KLHL7: variants seen among roughly 807,000 people sequenced by gnomAD.
The protein encoded by KLHL7 is kelch-like protein 7.
A neutral mutation model predicts 67.4 loss-of-function variants in KLHL7; 44 were observed. The observed-to-expected ratio is 0.65, with a 90% confidence interval of 0.51 to 0.84. The LOEUF is 0.84. KLHL7 is among the 40% of genes least tolerant of loss of function. The pLI, the probability that KLHL7 is intolerant of heterozygous loss-of-function variation, is 0.00. For synonymous variants in KLHL7, 252 were observed against 243.3 expected (o/e 1.04, Z -0.33); for missense variants, 362 against 718.1 (o/e 0.50, Z 5.67).
At chr7:23,137,689 G>A (rs2128463584) in intron 4 of KLHL7, among the ~76,000 whole-genome samples, 1 of 151,278 alleles carries the variant, frequency 6.6e-6, no homozygotes, top group South Asian at 2.1e-4. Context: ...ATGTTGGCCA[G>A]GCTGGTCTCG....
chr7:23,149,985 A>G (rs1391264519), intron 6 of KLHL7, among the ~76,000 whole-genome samples: 5 of 152,224 alleles, frequency 3.3e-5, no homozygotes, highest in African/African-American at 7.2e-5. Flanking sequence ...ATTTATAGAA[A>G]TGTTTTGCAT....
At chr7:23,154,517 T>C (rs1340297623) in intron 7 of KLHL7, among the ~76,000 whole-genome samples, 1 of 152,188 alleles carries the variant, frequency 6.6e-6, no homozygotes, top group African/African-American at 2.4e-5. Flanking sequence ...TTCTGTCCTG[T>C]CAAGCAACAT....
At chr7:23,118,510 A>G (rs1683145780) in intron 1 of KLHL7, among the ~76,000 whole-genome samples, 1 of 152,254 alleles carries the variant, frequency 6.6e-6, no homozygotes, top group South Asian at 2.1e-4. Flanking sequence ...AGACCTAGGA[A>G]AGAAGAATGA....
chr7:23,106,324 T>A, intron 1 of KLHL7, 178 bp downstream of exon 1: 1 of 1,461,092 alleles, frequency 6.8e-7, no homozygotes, highest in Non-Finnish European at 9.0e-7. Context: ...CGTAAAACAA[T>A]TCTCGAGCAA....
intron 4 of KLHL7, among the ~76,000 whole-genome samples, chr7:23,139,402 G>T (rs896296591): frequency 1.3e-5 from 2 of 152,176 alleles, no homozygotes; most frequent in Non-Finnish European, 2.9e-5. Flanking sequence ...GATGCTGAAG[G>T]CACCTTTTGT....
intron 1 of KLHL7, chr7:23,106,392 C>T (rs1285839372): frequency 1.4e-5 from 19 of 1,346,620 alleles, no homozygotes; most frequent in Non-Finnish European, 1.8e-5. Flanking sequence ...GGGGACTCCT[C>T]AGGCTGGCTT....
intron 1 of KLHL7, among the ~76,000 whole-genome samples, chr7:23,119,727 A>AT (rs1001470996): frequency 2.6e-5 from 4 of 151,150 alleles, no homozygotes; most frequent in African/African-American, 9.7e-5. Context: ...GATCCCTCAC[A>AT]TTTTTTTTGT....
At position 23,143,970 on chromosome 7, in the gene KLHL7, G is replaced by A. The variant is rs148401327; in HGVS notation, c.738G>A (p.Thr246=). The change falls in exon 6 of 11, where the codon ACG becomes ACA. Residue 246 remains threonine, a synonymous_variant. Coordinates refer to ENST00000339077, the MANE Select transcript of KLHL7 (RefSeq NM_001031710.3). ...TATCAAAGAATTTCTTAAGTAAAAC[G>A]GTACAAGCTGAACCACTTATTCAAG... is the stretch of plus-strand genomic sequence containing the variant. ...PLISKNFLSK[T]VQAEPLIQDN... The A allele has an allele frequency of 3.9e-4, 631 of 1,613,826 alleles. 2 individuals are homozygous for A. The highest frequency in any genetic ancestry group is 5.2e-4 in the Non-Finnish European group (611 of 1,179,928).
chr7:23,117,438 C>T lies in KLHL7; in HGVS notation c.121-6339C>T, dbSNP rs545342873. 2.6e-5 allele frequency among the ~76,000 whole-genome samples: 4 copies of T among 152,206 alleles called. No individual in the cohort carries two copies. In the East Asian group the frequency reaches 5.8e-4, roughly 22 times the overall value. ...TTCTATTCCTGTTTGGTCCATAACA[C>T]CTTCCTTGAATAAATAACAAAAATA... On this transcript the variant is annotated intron_variant, in intron 1 of 10. Transcript: ENST00000339077.
intron 4 of KLHL7, among the ~76,000 whole-genome samples, chr7:23,130,885 T>A (rs528839351): frequency 1.6e-4 from 24 of 152,328 alleles, no homozygotes; most frequent in African/African-American, 5.8e-4. Context: ...CAGGCATGTC[T>A]GGGGAGTATT....
chr7:23,111,820 C>CAAAA lies in KLHL7; in HGVS notation c.120+5697_120+5700dup, dbSNP rs895981894. ...CTGGAGACAGAGTGAGACTCCGTCT[C>CAAAA]AAAAAAAAAAAAAAAAAAAAAAAAA... On this transcript the variant is annotated intron_variant, in intron 1 of 10. Coordinates refer to ENST00000339077, the MANE Select transcript of KLHL7 (RefSeq NM_001031710.3). 3.0e-3 allele frequency among the ~76,000 whole-genome samples: 70 copies of CAAAA among 23,232 alleles called. 7 individuals are homozygous for CAAAA. Among genetic ancestry groups the CAAAA allele is most frequent in the African/African-American group, 6.1e-3 (49 of 8,022 alleles). 15.2% of individuals were successfully genotyped at this position (23,232 alleles called of 152,430 possible).
At position 23,123,484 on chromosome 7, in the gene KLHL7, G is replaced by GA. The variant is rs1161710933; in HGVS notation, c.121-276dup. 9.8e-3 allele frequency among the ~76,000 whole-genome samples: 947 copies of GA among 96,460 alleles called. 4 individuals are homozygous for GA. Among genetic ancestry groups the GA allele is most frequent in the African/African-American group, 0.023 (656 of 28,344 alleles). The allele number at this position is 96,460 out of a possible 152,430, so 63.3% of individuals were successfully genotyped here. On this transcript the variant is annotated intron_variant, in intron 1 of 10. Transcript: ENST00000339077. Reference sequence around the variant, plus strand: ...GAGAAATGTCCTAGAATCTGTGTCAGAAAAAAAAAAAAAAAAAGACTTCTC... The same window carrying GA: ...GAGAAATGTCCTAGAATCTGTGTCAGAAAAAAAAAAAAAAAAAAGACTTCTC...
In KLHL7 at chr7:23,111,115, C is replaced by T. The variant is rs145242378; in HGVS notation, c.120+4969C>T. On this transcript the variant is annotated intron_variant, in intron 1 of 10. Transcript: ENST00000339077. ...TATTGCAACAGTGGTAGGTATTACA[C>T]AGGAGAATAACATGGTACAACGAGG... 3.2e-3 allele frequency among the ~76,000 whole-genome samples: 486 copies of T among 152,206 alleles called. 2 individuals are homozygous for T. The highest frequency in any genetic ancestry group is 5.6e-3 in the Non-Finnish European group (380 of 67,998).
intron 5 of KLHL7, among the ~76,000 whole-genome samples, chr7:23,143,289 A>G (rs746246751): frequency 2.0e-5 from 3 of 152,212 alleles, no homozygotes; most frequent in Non-Finnish European, 4.4e-5. Context: ...AAATGAAGCA[A>G]CAGTATTATT....
intron 1 of KLHL7, among the ~76,000 whole-genome samples, chr7:23,120,078 C>T (rs1486037107): frequency 3.3e-5 from 5 of 152,098 alleles, no homozygotes; most frequent in Non-Finnish European, 5.9e-5. Flanking sequence ...GGCACAATCT[C>T]GGCTCACTGC....
In KLHL7 at chr7:23,173,114, C is replaced by T. The variant is rs146250779; in HGVS notation, c.1477+69C>T. 1.4e-4 allele frequency: 148 copies of T among 1,077,770 alleles called. 2 individuals are homozygous for T. The African/African-American group carries it at 1.5e-3, about 11-fold the overall frequency. The allele number at this position is 1,077,770 out of a possible 1,614,324, so 66.8% of individuals were successfully genotyped here. On this transcript the variant is annotated intron_variant, in intron 10 of 10. Coordinates refer to ENST00000339077, the MANE Select transcript of KLHL7 (RefSeq NM_001031710.3). Reference sequence around the variant, plus strand: ...CTGATACTTCCTTAAATTATTGAAGCATTTTTAAAAATCTAGATAGAAGCA... The same window carrying T: ...CTGATACTTCCTTAAATTATTGAAGTATTTTTAAAAATCTAGATAGAAGCA...
At chr7:23,146,283 G>A (rs1410819585) in intron 6 of KLHL7, among the ~76,000 whole-genome samples, 1 of 152,266 alleles carries the variant, frequency 6.6e-6, no homozygotes, top group Non-Finnish European at 1.5e-5. Flanking sequence ...CCTTTTCAGG[G>A]CTCTGCAGGG....
chr7:23,154,347 T>G (rs1226881007), intron 7 of KLHL7, among the ~76,000 whole-genome samples: 1 of 109,338 alleles, frequency 9.1e-6, no homozygotes, highest in Admixed American at 1.1e-4. Context: ...AGAGTGAGAC[T>G]ATGTCTCAAA....
intron 7 of KLHL7, among the ~76,000 whole-genome samples, chr7:23,152,544 G>C (rs542902241): frequency 6.6e-6 from 1 of 152,002 alleles, no homozygotes; most frequent in East Asian, 1.9e-4. Context: ...CTCTTTCTGG[G>C]CCAAATTTGT....
Sources: gnomAD v4.1 joint callset for allele counts (sites outside exome capture counted in the v4.1 genomes callset) on GRCh38, gnomAD v4.1.1 for gene constraint, MANE v1.5 for transcripts, NCBI Gene and HGNC (gene_info 2026-07-23, HGNC 2026-07-21) for gene names.